IFT140: variants seen among roughly 807,000 people sequenced by gnomAD.
The protein encoded by IFT140 is intraflagellar transport protein 140 homolog.
A neutral mutation model predicts 164.6 loss-of-function variants in IFT140; 133 were observed. That is an observed-to-expected ratio of 0.81 (90% confidence interval 0.70 to 0.93). The LOEUF (loss-of-function observed/expected upper bound fraction) is 0.93, where lower values mean the gene tolerates loss of function less well. Among genes scored for constraint, IFT140 ranks in the 40% least tolerant of loss-of-function variants. The pLI is 0.00. For missense variants in IFT140, 2,045 were observed against 1,972.3 expected (o/e 1.04, Z -0.70); for synonymous variants, 860 against 817.3 (o/e 1.05, Z -0.89).
At chr16:1,595,873 C>T (rs1424946141) in intron 4 of IFT140, among the ~76,000 whole-genome samples, 2 of 152,060 alleles carry the variant, frequency 1.3e-5, no homozygotes, top group African/African-American at 4.8e-5. Flanking sequence ...GCCAACATGG[C>T]GAAATCCTGT....
At chr16:1,598,199 C>T (rs1010856007) in intron 4 of IFT140, among the ~76,000 whole-genome samples, 1 of 152,234 alleles carries the variant, frequency 6.6e-6, no homozygotes, top group African/African-American at 2.4e-5. Flanking sequence ...TGGCTCACGC[C>T]TGTAATCCCA....
In IFT140 at chr16:1,602,226, T is replaced by C. The variant is rs142406071; in HGVS notation, c.369+144A>G. 1,162 of 763,130 alleles carry C rather than the reference T, an allele frequency of 1.5e-3. 10 individuals are homozygous for C. In the African/African-American group the frequency reaches 0.017, roughly 11 times the overall value. 47.3% of individuals were successfully genotyped at this position (763,130 alleles called of 1,614,324 possible). A position where few individuals can be genotyped will look rare whatever the true frequency, so the allele number is the denominator to read the frequency against. On this transcript the variant is annotated intron_variant, in intron 4 of 30. Coordinates refer to ENST00000426508, the MANE Select transcript of IFT140 (RefSeq NM_014714.4). ...GCAAATTTTCAAGCCTTGCTTCCAA[T>C]ATAAAACAAAATCTACAATTGCATC...
intron 21 of IFT140, 54 bp downstream of exon 21, chr16:1,525,833 A>C (rs1596305524): frequency 6.9e-7 from 1 of 1,454,192 alleles, no homozygotes; most frequent in Non-Finnish European, 9.1e-7. Flanking sequence ...AAGAGGCCTC[A>C]CAAGCCAGGG....
chr16:1,578,851 A>G (rs972076507), intron 13 of IFT140, among the ~76,000 whole-genome samples: 2 of 152,194 alleles, frequency 1.3e-5, no homozygotes, highest in African/African-American at 4.8e-5. Flanking sequence ...AGCTGGCACT[A>G]TAGGCGTGCG....
intron 24 of IFT140, chr16:1,524,307 A>G (rs2141168834): frequency 1.6e-6 from 1 of 624,650 alleles, no homozygotes; most frequent in African/African-American, 1.9e-5. Context: ...CTCACCACCC[A>G]CTCAGGAGCC....
In IFT140 at chr16:1,587,303, A is replaced by G. The variant is rs2034937786; in HGVS notation, c.904T>C (p.Phe302Leu). 2 of 1,602,716 alleles carry G rather than the reference A, an allele frequency of 1.2e-6. No homozygotes were observed. The highest frequency in any genetic ancestry group is 2.2e-5 in the South Asian group (2 of 90,848). ...VMAVGEAALRFWDIERGENYI... is the reference protein window; with the variant it reads ...VMAVGEAALRLWDIERGENYI... ...TTCTCTCCTCGTTCTATGTCCCAGA[A>G]TCTACAACAGAAGAAAGCAAGCCCC... The change falls in exon 9 of 31, where the codon TTC (phenylalanine) becomes CTC (leucine). Residue 302 changes from phenylalanine (F) to leucine (L), a missense_variant and splice_region_variant. Coordinates refer to ENST00000426508, the MANE Select transcript of IFT140 (RefSeq NM_014714.4).
chr16:1,557,885 A>C (rs753931388), intron 19 of IFT140, 50 bp downstream of exon 19: 5 of 1,559,182 alleles, frequency 3.2e-6, no homozygotes. Context: ...GAAAGGAAAG[A>C]GCCGTGAGCA....
intron 3 of IFT140, among the ~76,000 whole-genome samples, chr16:1,604,211 T>C (rs774212657): frequency 5.9e-5 from 9 of 151,382 alleles, no homozygotes; most frequent in Non-Finnish European, 1.3e-4. Flanking sequence ...AAGCTGCCAG[T>C]ATATGGAGGA....
At chr16:1,544,176 C>T (rs1489800324) in intron 19 of IFT140, among the ~76,000 whole-genome samples, 3 of 151,310 alleles carry the variant, frequency 2.0e-5, no homozygotes, top group East Asian at 3.9e-4. Context: ...TGCCACCACG[C>T]CCCACTAATT....
chr16:1,602,297 G>C, intron 4 of IFT140, 73 bp downstream of exon 4: 1 of 1,309,298 alleles, frequency 7.6e-7, no homozygotes, highest in Non-Finnish European at 1.1e-6. Context: ...CCCATATTTT[G>C]ATCTTTCATA....
chr16:1,549,489 T>C (rs112123356), intron 19 of IFT140, among the ~76,000 whole-genome samples: 3,569 of 152,262 alleles, frequency 0.023, 139 homozygotes, highest in African/African-American at 0.081. Flanking sequence ...GGCAATGGCG[T>C]GCAATCTCGG....
At chr16:1,516,432 G>A (rs1473536909) in intron 30 of IFT140, among the ~76,000 whole-genome samples, 1 of 152,000 alleles carries the variant, frequency 6.6e-6, no homozygotes, top group African/African-American at 2.4e-5. Context: ...AATGCAAAGA[G>A]GAGTAGAGAT....
intron 18 of IFT140, among the ~76,000 whole-genome samples, chr16:1,560,787 C>T (rs747000241): frequency 2.6e-5 from 4 of 152,188 alleles, no homozygotes; most frequent in African/African-American, 9.7e-5. Context: ...TTCTTAACAT[C>T]GATAAGCCAC....
intron 19 of IFT140, among the ~76,000 whole-genome samples, chr16:1,536,887 G>GT (rs955920412): frequency 2.1e-4 from 32 of 152,348 alleles, no homozygotes; most frequent in African/African-American, 7.7e-4. Context: ...CCCCAATCGG[G>GT]TGAGGGGCTG....
chr16:1,520,888 AG>A, intron 26 of IFT140, 80 bp from the exon 27 acceptor site: 1 of 1,346,122 alleles, frequency 7.4e-7, no homozygotes, highest in Non-Finnish European at 1.0e-6. Context: ...ACCGCTTCAG[AG>A]GAAACCAGGC....
rs570977528 is a variant in IFT140, at chr16:1,519,764, C to T, written c.4040+117G>A. 3.6e-5 allele frequency: 36 copies of T among 993,844 alleles called. No homozygotes were observed. In the East Asian group the frequency reaches 8.5e-4, roughly 24 times the overall value. The allele number at this position is 993,844 out of a possible 1,614,324, so 61.6% of individuals were successfully genotyped here. ...GGTGTGTCTTCAGCAGTAGTGCTGT[C>T]CCAAGTGAGCTCCCATCTGCTGTCC... is the stretch of plus-strand genomic sequence containing the variant. On this transcript the variant is annotated intron_variant, in intron 29 of 30. Coordinates refer to ENST00000426508, the MANE Select transcript of IFT140 (RefSeq NM_014714.4).
At chr16:1,555,967 G>C (rs996127561) in intron 19 of IFT140, among the ~76,000 whole-genome samples, 4 of 152,078 alleles carry the variant, frequency 2.6e-5, no homozygotes, top group African/African-American at 7.2e-5. Context: ...TTAGCCAGGC[G>C]TGGTGGCGGG....
At position 1,525,267 on chromosome 16, in the gene IFT140, G is replaced by C. The variant is rs200561100; in HGVS notation, c.2828C>G (p.Pro943Arg). 3.1e-6 allele frequency: 5 copies of C among 1,612,888 alleles called. No homozygotes were observed. The highest frequency in any genetic ancestry group is 3.4e-6 in the Non-Finnish European group (4 of 1,179,866). Residue 943 changes from proline to arginine, a missense_variant, in exon 22 of 31, where the codon CCG becomes CGG. Coordinates refer to ENST00000426508, the MANE Select transcript of IFT140 (RefSeq NM_014714.4). ...TTTATTCACGTAGAGCTCCAGGGAC[G>C]GCAGGTCCTCCGACAGCATCCTGGG... ...EVPRMLSEDLPSLELYVNKMK... is the reference protein window; with the variant it reads ...EVPRMLSEDLRSLELYVNKMK...
At chr16:1,603,135 C>T (rs979604760) in intron 3 of IFT140, among the ~76,000 whole-genome samples, 2 of 152,184 alleles carry the variant, frequency 1.3e-5, no homozygotes, top group Non-Finnish European at 2.9e-5. Flanking sequence ...GCAACCCCGA[C>T]CAGCTTCTCA....
Sources: gnomAD v4.1 joint callset for allele counts (sites outside exome capture counted in the v4.1 genomes callset) on GRCh38, gnomAD v4.1.1 for gene constraint, MANE v1.5 for transcripts, NCBI Gene and HGNC (gene_info 2026-07-23, HGNC 2026-07-21) for gene names.